IQSEC1: variants seen among roughly 807,000 people sequenced by gnomAD.
IQSEC1 encodes the protein IQ motif and SEC7 domain-containing protein 1.
IQSEC1 carries 31 observed loss-of-function variants against 91.0 expected under a neutral mutation model. The observed-to-expected ratio is 0.34, with a 90% CI of 0.26 to 0.46. The LOEUF (loss-of-function observed/expected upper bound fraction) is 0.46, where lower values mean the gene tolerates loss of function less well. Among genes scored for constraint, IQSEC1 ranks in the 20% least tolerant of loss-of-function variants. The pLI is 1.00. For synonymous variants in IQSEC1, 699 were observed against 662.6 expected (o/e 1.05, Z -0.84); for missense variants, 1,388 against 1,575.6 (o/e 0.88, Z 2.02).
Position 12,915,095 on chromosome 3 carries a change from A to C in IQSEC1, c.2190+9T>G. 6.2e-7 allele frequency: 1 copy of C among 1,603,706 alleles called. No individual in the cohort carries two copies. The highest frequency in any genetic ancestry group is 8.5e-7 in the Non-Finnish European group (1 of 1,174,290). On this transcript the variant is annotated intron_variant, in intron 8 of 13. Coordinates refer to ENST00000613206, the MANE Select transcript of IQSEC1 (RefSeq NM_001134382.3). The stretch of plus-strand genomic sequence containing the variant: ...CTACCCACAAAGGTAAAACCAGAGA[A>C]ATACTCACACAGCCGAGCCCGGGAT...
rs201130016 is a variant in IQSEC1, at chr3:13,024,486, T to C, written c.23+48506A>G. Among the ~76,000 whole-genome samples, 301 of 124,150 alleles carry C rather than the reference T, an allele frequency of 2.4e-3. 2 individuals carry two copies. Among genetic ancestry groups the C allele is most frequent in the Middle Eastern group, 0.012 (2 of 162 alleles). The allele number at this position is 124,150 out of a possible 152,430, so 81.4% of individuals were successfully genotyped here. ...CCATCCATCCACCCATCCATCCATC[T>C]GTCCATCCATTCACCCATCCACATA... On this transcript the variant is annotated intron_variant, in intron 1 of 13. Coordinates refer to ENST00000613206, the MANE Select transcript of IQSEC1 (RefSeq NM_001134382.3).
intron 1 of IQSEC1, among the ~76,000 whole-genome samples, chr3:12,958,484 C>T (rs1700055369): frequency 1.3e-5 from 2 of 152,202 alleles, no homozygotes; most frequent in South Asian, 4.1e-4. Context: ...TAATAACACA[C>T]ACAAAATCCT....
Position 13,047,584 on chromosome 3 carries a change from G to A in IQSEC1, c.23+25408C>T, listed in dbSNP as rs1319178146. ...CCCACACACACAGCAAACCCCTTGG[G>A]GGCCATGTCCACTCAGGCCCCAGCA... is the stretch of plus-strand genomic sequence containing the variant. On this transcript the variant is annotated intron_variant, in intron 1 of 13. Coordinates refer to ENST00000613206, the MANE Select transcript of IQSEC1 (RefSeq NM_001134382.3). 1.3e-5 allele frequency: 12 copies of A among 894,504 alleles called. No individual in the cohort carries two copies. In the East Asian group the frequency reaches 1.2e-3, roughly 89 times the overall value. 55.4% of individuals were successfully genotyped at this position (894,504 alleles called of 1,614,324 possible). A position where few individuals can be genotyped will look rare whatever the true frequency, so the allele number is the denominator to read the frequency against.
chr3:13,268,041 A>G (rs761352602), intron 1 of IQSEC1, among the ~76,000 whole-genome samples: 11 of 152,238 alleles, frequency 7.2e-5, no homozygotes, highest in Non-Finnish European at 1.2e-4. Context: ...CAGCTTGGTG[A>G]GTCCTGTCCG....
At chr3:12,927,734 T>G (rs1488048494) in intron 3 of IQSEC1, among the ~76,000 whole-genome samples, 1 of 152,222 alleles carries the variant, frequency 6.6e-6, no homozygotes, top group Non-Finnish European at 1.5e-5. Context: ...CACCTCTTGG[T>G]GAACACTGGC....
intron 6 of IQSEC1, among the ~76,000 whole-genome samples, chr3:12,917,237 C>A (rs761337898): frequency 6.6e-6 from 1 of 152,140 alleles, no homozygotes; most frequent in Non-Finnish European, 1.5e-5. Flanking sequence ...TGAGCCTACA[C>A]GGACACATCA....
intron 1 of IQSEC1, among the ~76,000 whole-genome samples, chr3:13,009,145 T>C (rs1702762269): frequency 6.6e-6 from 1 of 152,206 alleles, no homozygotes; most frequent in Non-Finnish European, 1.5e-5. Context: ...TGCCAAGGTT[T>C]GTTCATGTGC....
intron 1 of IQSEC1, among the ~76,000 whole-genome samples, chr3:13,042,645 G>A (rs1420704368): frequency 1.3e-5 from 2 of 152,224 alleles, no homozygotes; most frequent in Non-Finnish European, 2.9e-5. Context: ...GCTTCCCTGG[G>A]GGTCCCTGGG....
chr3:12,993,444 C>G (rs1042210449), intron 1 of IQSEC1, among the ~76,000 whole-genome samples: 6 of 111,418 alleles, frequency 5.4e-5, no homozygotes, highest in Non-Finnish European at 8.9e-5. Flanking sequence ...TTTCTCCGCC[C>G]GGAGGCAGCA....
chr3:13,216,255 C>G (rs1034043377), intron 1 of IQSEC1, among the ~76,000 whole-genome samples: 1 of 152,270 alleles, frequency 6.6e-6, no homozygotes, highest in Non-Finnish European at 1.5e-5. Context: ...GGAAAATAGG[C>G]AGCCAACAGC....
chr3:13,256,136 T>C (rs1293034137), intron 1 of IQSEC1, among the ~76,000 whole-genome samples: 2 of 152,148 alleles, frequency 1.3e-5, no homozygotes, highest in Non-Finnish European at 1.5e-5. Flanking sequence ...TTGAAGATAA[T>C]AAATAATGTA....
At chr3:13,225,627 A>G (rs1475506196) in intron 1 of IQSEC1, among the ~76,000 whole-genome samples, 5 of 152,248 alleles carry the variant, frequency 3.3e-5, no homozygotes, top group Admixed American at 2.6e-4. Flanking sequence ...TGAAGAAAAT[A>G]AAGAATAGAT....
At chr3:13,261,172 TG>T (rs1420135653) in intron 1 of IQSEC1, among the ~76,000 whole-genome samples, 5 of 152,206 alleles carry the variant, frequency 3.3e-5, no homozygotes, top group Non-Finnish European at 7.3e-5. Context: ...ACCTGTTCCC[TG>T]TCCCCGCCTG....
chr3:13,205,586 C>T (rs1175835192), intron 1 of IQSEC1, among the ~76,000 whole-genome samples: 1 of 147,298 alleles, frequency 6.8e-6, no homozygotes, highest in Non-Finnish European at 1.5e-5. Context: ...CATGCTTCAT[C>T]CTTCTATCCC....
intron 1 of IQSEC1, among the ~76,000 whole-genome samples, chr3:13,274,910 G>C (rs1481410521): frequency 6.6e-6 from 1 of 152,228 alleles, no homozygotes; most frequent in Non-Finnish European, 1.5e-5. Flanking sequence ...ATCTGGGGAA[G>C]GGACCATGCC....
chr3:13,281,968 C>T lies in IQSEC1; in HGVS notation c.272+743G>A, dbSNP rs544324008. Among the ~76,000 whole-genome samples the T allele has an allele frequency of 1.3e-3, 200 of 152,280 alleles. No homozygotes were observed. In the Middle Eastern group the frequency reaches 0.014, roughly 10 times the overall value. On this transcript the variant is annotated intron_variant, in intron 1 of 15. Coordinates refer to the IQSEC1 transcript ENST00000648114. ...CGAAGGTCCACACGGTGAGGCTGCT[C>T]CGGGTTTCGACACCGACACTCATGG...
In IQSEC1 at chr3:12,940,394, CACAA is replaced by C. The variant is rs1369484308; in HGVS notation, c.318+1173_318+1176del. On this transcript the variant is annotated intron_variant, in intron 2 of 13. Coordinates refer to ENST00000613206, the MANE Select transcript of IQSEC1 (RefSeq NM_001134382.3). This position sits in a 1 kb window ranked among gnomAD's most constrained non-coding sequence, Gnocchi z 4.4. ...AACTTGAATCTATACTCCCAGCAAA[CACAA>C]ACAAACAAAAACAACCCAAAAATTG... Among the ~76,000 whole-genome samples, 1 of 151,924 alleles carries C rather than the reference CACAA, an allele frequency of 6.6e-6. No homozygotes were observed. Among genetic ancestry groups the C allele is most frequent in the Non-Finnish European group, 1.5e-5 (1 of 67,992 alleles).
At chr3:13,183,063 C>T (rs998361491) in intron 1 of IQSEC1, among the ~76,000 whole-genome samples, 3 of 151,974 alleles carry the variant, frequency 2.0e-5, no homozygotes, top group Admixed American at 2.0e-4. Flanking sequence ...ACTCGGGAGG[C>T]TGAGGCAGGA....
chr3:13,193,177 G>GC lies in IQSEC1; in HGVS notation c.273-29045dup, dbSNP rs1231161922. Among the ~76,000 whole-genome samples, 2 of 152,212 alleles carry GC rather than the reference G, an allele frequency of 1.3e-5. No individual in the cohort carries two copies. Among genetic ancestry groups the GC allele is most frequent in the Non-Finnish European group, 2.9e-5 (2 of 68,036 alleles). ...TGCCCGGGGCTCACACACAGAGCCTGCCCCATTCCCCGGACTCTCATGGGC... is the reference window on the plus strand; with the variant it reads ...TGCCCGGGGCTCACACACAGAGCCTGCCCCCATTCCCCGGACTCTCATGGGC... On this transcript the variant is annotated intron_variant, in intron 1 of 15. Coordinates refer to the IQSEC1 transcript ENST00000648114. The surrounding 1 kb of genome is among the most constrained non-coding windows in gnomAD (Gnocchi z 4.2).
Sources: allele counts gnomAD v4.1 joint callset (sites outside exome capture counted in the v4.1 genomes callset), GRCh38; gene constraint gnomAD v4.1.1; non-coding constraint Gnocchi (gnomAD v3.1); transcripts MANE v1.5; gene names NCBI Gene and HGNC (gene_info 2026-07-23, HGNC 2026-07-21).